TMEM209: variants seen among roughly 807,000 people sequenced by gnomAD.
TMEM209 encodes the protein transmembrane protein 209, also known as testicular tissue protein Li 202.
A neutral mutation model predicts 76.2 loss-of-function variants in TMEM209; 65 were observed. The ratio of observed to expected loss-of-function variants is 0.85; its 90% confidence interval spans 0.70 to 1.05. The LOEUF is 1.05. Among genes scored for constraint, TMEM209 ranks in the 50% least tolerant of loss-of-function variants. TMEM209 has a pLI of 0.00. For missense variants in TMEM209, 623 were observed against 685.5 expected (o/e 0.91, Z 1.02); for synonymous variants, 239 against 237.6 (o/e 1.01, Z -0.06).
At chr7:130,205,272 A>AT in intron 1 of TMEM209, 101 bp downstream of exon 1, 1 of 1,611,576 alleles carries the variant, frequency 6.2e-7, no homozygotes, top group Admixed American at 1.7e-5. Flanking sequence ...GCCTAGCCAC[A>AT]TCCCCCTTGG....
At chr7:130,196,514 A>G (rs1797977930) in intron 5 of TMEM209, among the ~76,000 whole-genome samples, 1 of 152,192 alleles carries the variant, frequency 6.6e-6, no homozygotes, top group Admixed American at 6.5e-5. Flanking sequence ...GAACATTATT[A>G]TAGACTGAAT....
intron 8 of TMEM209, among the ~76,000 whole-genome samples, chr7:130,183,863 C>A (rs1392957254): frequency 6.6e-6 from 1 of 152,094 alleles, no homozygotes; most frequent in African/African-American, 2.4e-5. Flanking sequence ...CCTCACAATT[C>A]TAGGTAAATA....
intron 13 of TMEM209, among the ~76,000 whole-genome samples, chr7:130,171,261 CAT>C (rs1002897361): frequency 6.6e-6 from 1 of 152,124 alleles, no homozygotes; most frequent in African/African-American, 2.4e-5. Flanking sequence ...ATACAAATAA[CAT>C]ATTAAATATA....
intron 5 of TMEM209, chr7:130,200,093 A>T (rs1798134457): frequency 6.6e-6 from 1 of 152,152 alleles, no homozygotes. Flanking sequence ...TTAAAAACAG[A>T]GCAAACCACA....
chr7:130,200,219 C>G (rs1798141088), intron 5 of TMEM209, among the ~76,000 whole-genome samples: 2 of 151,520 alleles, frequency 1.3e-5, no homozygotes, highest in Non-Finnish European at 2.9e-5. Context: ...GGATACAGAC[C>G]CAAAAGACAA....
At chr7:130,190,119 T>C (rs184231568) in intron 6 of TMEM209, among the ~76,000 whole-genome samples, 1 of 152,270 alleles carries the variant, frequency 6.6e-6, no homozygotes, top group East Asian at 1.9e-4. Context: ...AGTGAATGAT[T>C]AGGGAGAAGA....
chr7:130,187,418 G>T (rs1240458792), intron 6 of TMEM209, among the ~76,000 whole-genome samples: 4 of 152,034 alleles, frequency 2.6e-5, no homozygotes, highest in Non-Finnish European at 5.9e-5. Context: ...AATTTTGTAG[G>T]CCTTGAGAAA....
intron 5 of TMEM209, among the ~76,000 whole-genome samples, chr7:130,194,698 CAAG>C (rs1797912254): frequency 6.6e-6 from 1 of 152,076 alleles, no homozygotes; most frequent in African/African-American, 2.4e-5. Context: ...ACTTGATATA[CAAG>C]AATTTTAAAA....
At chr7:130,167,593 T>C (rs951028738) in intron 14 of TMEM209, among the ~76,000 whole-genome samples, 10 of 152,192 alleles carry the variant, frequency 6.6e-5, no homozygotes, top group African/African-American at 2.2e-4. Flanking sequence ...GCTCATATTA[T>C]AGCAGAATAA....
At chr7:130,204,990 T>C (rs1798387207) in intron 1 of TMEM209, 2 of 1,148,500 alleles carry the variant, frequency 1.7e-6, no homozygotes, top group Non-Finnish European at 2.2e-6. Flanking sequence ...GTGAGCGGAG[T>C]AAGAGGGAGA....
intron 5 of TMEM209, among the ~76,000 whole-genome samples, chr7:130,201,391 A>G (rs1319642190): frequency 2.6e-5 from 4 of 152,160 alleles, no homozygotes; most frequent in African/African-American, 9.7e-5. Context: ...TATTCCATGG[A>G]AAGCGTCCAT....
chr7:130,177,786 C>T (rs1797287460), intron 10 of TMEM209, among the ~76,000 whole-genome samples: 1 of 151,998 alleles, frequency 6.6e-6, no homozygotes, highest in Non-Finnish European at 1.5e-5. Context: ...TTTAAAAAGT[C>T]ATGAAAAATG....
chr7:130,195,686 A>G (rs1797946752), intron 5 of TMEM209, among the ~76,000 whole-genome samples: 1 of 151,906 alleles, frequency 6.6e-6, no homozygotes, highest in Non-Finnish European at 1.5e-5. Flanking sequence ...TTAATTTACA[A>G]CTTTCACATT....
At chr7:130,203,636 T>C (rs116121135) in intron 3 of TMEM209, among the ~76,000 whole-genome samples, 152 bp downstream of exon 3, 220 of 152,364 alleles carry the variant, frequency 1.4e-3, no homozygotes, top group African/African-American at 5.0e-3. Flanking sequence ...AGCAGGGATT[T>C]ACCTTGCTCC....
In TMEM209 at chr7:130,192,751, T is replaced by C. The variant is rs370646313; in HGVS notation, c.646A>G (p.Arg216Gly). The change falls in exon 6 of 15, where the codon AGA (arginine) becomes GGA (glycine). Residue 216 changes from arginine to glycine, a missense_variant. Physicochemically the swap from Arg to Gly is moderately radical, Grantham distance 125. Coordinates refer to ENST00000397622, the MANE Select transcript of TMEM209 (RefSeq NM_032842.4). ...GTAGGTGAAGAACGGTAGCGAGATC[T>C]CAATCCACTGCTCTCCACTGGTCCA... ...TVGPVESSGL[R>G]SRYRSSPTVY... is the part of the protein sequence containing the mutation. 39 of 1,613,828 alleles carry C rather than the reference T, an allele frequency of 2.4e-5. No individual in the cohort carries two copies. Among genetic ancestry groups the C allele is most frequent in the Non-Finnish European group, 3.3e-5 (39 of 1,179,846 alleles).
intron 5 of TMEM209, among the ~76,000 whole-genome samples, chr7:130,198,451 AAAT>A (rs1204691928): frequency 2.0e-5 from 3 of 152,248 alleles, no homozygotes; most frequent in Middle Eastern, 3.4e-3. Context: ...TCTCTACTAA[AAAT>A]AAAAAAATTA....
intron 13 of TMEM209, among the ~76,000 whole-genome samples, chr7:130,173,135 C>G (rs1386029124): frequency 6.6e-6 from 1 of 151,462 alleles, no homozygotes; most frequent in African/African-American, 2.4e-5. Context: ...AAGAAAGGGC[C>G]AGGTGCACAG....
rs375144241 is a variant in TMEM209 at position 130,198,167 on chromosome 7, T to C, written c.573+3683A>G. On this transcript the variant is annotated intron_variant, in intron 5 of 14. Transcript: ENST00000397622. ...TTCATGTAACTAGAATCATATAATATGTGGTCTTTTGTGACTGGTTTCTTT... is the reference window on the plus strand; with the variant it reads ...TTCATGTAACTAGAATCATATAATACGTGGTCTTTTGTGACTGGTTTCTTT... Among the ~76,000 whole-genome samples, 8 of 152,326 alleles carry C rather than the reference T, an allele frequency of 5.3e-5. No homozygotes were observed. The East Asian group carries it at 1.3e-3, about 26-fold the overall frequency.
At chr7:130,204,151 C>T in intron 1 of TMEM209, 41 bp from the exon 2 acceptor site, 1 of 1,560,818 alleles carries the variant, frequency 6.4e-7, no homozygotes, top group Non-Finnish European at 8.6e-7. Flanking sequence ...CCAGAAGAAA[C>T]TATTGCTCCA....
Sources: gnomAD v4.1 joint callset for allele counts (sites outside exome capture counted in the v4.1 genomes callset) on GRCh38, gnomAD v4.1.1 for gene constraint, MANE v1.5 for transcripts, NCBI Gene and HGNC (gene_info 2026-07-23, HGNC 2026-07-21) for gene names.